TNPO1: variants seen among roughly 807,000 people sequenced by gnomAD.
TNPO1 encodes the protein transportin-1.
A neutral mutation model predicts 119.5 loss-of-function variants in TNPO1; 8 were observed. The ratio of observed to expected loss-of-function variants is 0.07; its 90% confidence interval spans 0.04 to 0.12. The LOEUF is 0.12. Ranked by LOEUF, TNPO1 falls within the 10% of genes least tolerant of loss-of-function variation. TNPO1 has a pLI of 1.00. For synonymous variants in TNPO1, 362 were observed against 363.0 expected, an observed-to-expected ratio of 1.00 and a Z score of 0.03; for missense variants, 576 against 1,089.8, an observed-to-expected ratio of 0.53 and a Z score of 6.64.
intron 1 of TNPO1, among the ~76,000 whole-genome samples, chr5:72,841,552 C>T (rs552876555): frequency 6.6e-6 from 1 of 152,074 alleles, no homozygotes; most frequent in East Asian, 1.9e-4. Flanking sequence ...CGGGGTTTCA[C>T]CAGGTCTCGA....
At chr5:72,849,229 C>T (rs1015612083) in intron 2 of TNPO1, among the ~76,000 whole-genome samples, 5 of 152,134 alleles carry the variant, frequency 3.3e-5, no homozygotes, top group African/African-American at 9.7e-5. Flanking sequence ...TGTAGTGATC[C>T]TGTTGCTACG....
intron 6 of TNPO1, among the ~76,000 whole-genome samples, chr5:72,870,121 A>G (rs1580428903): frequency 6.7e-6 from 1 of 148,550 alleles, no homozygotes; most frequent in South Asian, 2.1e-4. Flanking sequence ...TCTGTGGATC[A>G]ATTTAGAAGA....
chr5:72,882,999 T>G, intron 10 of TNPO1, 65 bp from the exon 11 acceptor site: 1 of 1,122,522 alleles, frequency 8.9e-7, no homozygotes, highest in Non-Finnish European at 1.3e-6. Flanking sequence ...CTGTTTCTCT[T>G]ACTCATGTAC....
intron 3 of TNPO1, among the ~76,000 whole-genome samples, chr5:72,854,329 G>A (rs1489548314): frequency 6.6e-6 from 1 of 152,200 alleles, no homozygotes; most frequent in Admixed American, 6.5e-5. Flanking sequence ...GTGATGACCT[G>A]AATGAAGTTT....
At chr5:72,858,953 GTTTTT>G (rs35567162) in intron 4 of TNPO1, among the ~76,000 whole-genome samples, 1 of 135,742 alleles carries the variant, frequency 7.4e-6, no homozygotes, top group African/African-American at 2.7e-5. Flanking sequence ...ATCTGGGAAG[GTTTTT>G]TTTTTTTTTT....
chr5:72,848,092 A>G (rs1050432706), intron 1 of TNPO1: 3 of 1,105,842 alleles, frequency 2.7e-6, no homozygotes, highest in Non-Finnish European at 3.3e-6. Context: ...CCGTGAGCGG[A>G]TCTTGGGGCC....
At chr5:72,819,115 A>G (rs1180848361) in intron 1 of TNPO1, among the ~76,000 whole-genome samples, 2 of 152,170 alleles carry the variant, frequency 1.3e-5, no homozygotes, top group Admixed American at 6.5e-5. Context: ...CAGGCTGGGA[A>G]GTATAAGAAG....
chr5:72,843,557 G>C lies in TNPO1; in HGVS notation c.16-4828G>C, dbSNP rs367915986. On this transcript the variant is annotated intron_variant, in intron 1 of 24. Coordinates refer to ENST00000337273, the MANE Select transcript of TNPO1 (RefSeq NM_002270.4). ...TGCAGTGAGCCGAGATCGCACCACTGCACTCCAGCCTGGGTGACAGAGCAA... is the reference window on the plus strand; with the variant it reads ...TGCAGTGAGCCGAGATCGCACCACTCCACTCCAGCCTGGGTGACAGAGCAA... Among the ~76,000 whole-genome samples the C allele has an allele frequency of 8.0e-5, 12 of 150,040 alleles. No individual in the cohort carries two copies. The East Asian group carries it at 2.0e-3, about 25-fold the overall frequency.
intron 2 of TNPO1, among the ~76,000 whole-genome samples, 153 bp downstream of exon 2, chr5:72,848,651 GC>G (rs1423002704): frequency 1.3e-5 from 2 of 148,550 alleles, no homozygotes; most frequent in Non-Finnish European, 3.0e-5. Context: ...GGGGGAAGCC[GC>G]CGCTGCCCCT....
At chr5:72,879,162 C>T in intron 9 of TNPO1, 1 of 204,250 alleles carries the variant, frequency 4.9e-6, no homozygotes, top group Non-Finnish European at 1.0e-5. Context: ...CAGAAAAGGC[C>T]TTGGGCCACA....
At chr5:72,890,818 G>A (rs1475272263) in intron 14 of TNPO1, among the ~76,000 whole-genome samples, 1 of 152,074 alleles carries the variant, frequency 6.6e-6, no homozygotes, top group Non-Finnish European at 1.5e-5. Flanking sequence ...GTACTATATA[G>A]TAACAGCCAT....
At chr5:72,864,259 A>T (rs182755463) in intron 5 of TNPO1, among the ~76,000 whole-genome samples, 1 of 152,348 alleles carries the variant, frequency 6.6e-6, no homozygotes, top group Admixed American at 6.5e-5. Context: ...TTAGACTTAA[A>T]AATATTTTCA....
chr5:72,884,174 C>G (rs143400700), intron 11 of TNPO1, among the ~76,000 whole-genome samples: 1 of 152,320 alleles, frequency 6.6e-6, no homozygotes, highest in East Asian at 1.9e-4. Context: ...CACCATTCTG[C>G]TTTCCTAGCA....
chr5:72,872,275 C>A (rs540414396), intron 6 of TNPO1, among the ~76,000 whole-genome samples: 1 of 152,202 alleles, frequency 6.6e-6, no homozygotes, highest in Non-Finnish European at 1.5e-5. Context: ...ATGGACTATT[C>A]TCCATTTTTA....
intron 4 of TNPO1, 112 bp from the exon 5 acceptor site, chr5:72,861,696 C>T (rs1652147635): frequency 1.3e-6 from 1 of 743,378 alleles, no homozygotes; most frequent in Non-Finnish European, 2.3e-6. Flanking sequence ...AGCCACCATG[C>T]CTGGCCAAAT....
At chr5:72,830,631 TATAATA>T in intron 1 of TNPO1, among the ~76,000 whole-genome samples, 1 of 152,304 alleles carries the variant, frequency 6.6e-6, no homozygotes, top group African/African-American at 2.4e-5. Context: ...ACAGTATGCT[TATAATA>T]ATGTATGACC....
At chr5:72,867,628 A>G (rs1747017501) in intron 6 of TNPO1, among the ~76,000 whole-genome samples, 1 of 152,210 alleles carries the variant, frequency 6.6e-6, no homozygotes, top group Non-Finnish European at 1.5e-5. Context: ...ACCTGAAACA[A>G]AATGAAGACC....
chr5:72,874,388 A>G (rs529748701), intron 7 of TNPO1, among the ~76,000 whole-genome samples: 2 of 152,276 alleles, frequency 1.3e-5, no homozygotes, highest in Admixed American at 6.5e-5. Flanking sequence ...ACCTTGGCAA[A>G]GCTGGGTATT....
At chr5:72,885,742 GGT>G (rs1491215360) in intron 11 of TNPO1, among the ~76,000 whole-genome samples, 9 of 92,628 alleles carry the variant, frequency 9.7e-5, no homozygotes, top group South Asian at 6.8e-4. Context: ...GGTTTGGTTT[GGT>G]TTTTTTTTTT....
Sources: gnomAD v4.1 joint callset for allele counts (sites outside exome capture counted in the v4.1 genomes callset) on GRCh38, gnomAD v4.1.1 for gene constraint, MANE v1.5 for transcripts, NCBI Gene and HGNC (gene_info 2026-07-23, HGNC 2026-07-21) for gene names.